Variants in TMEM164 observed in about 807,000 individuals in gnomAD.
TMEM164 encodes transmembrane protein 164, also known as RP13-360B22.2.
Under a neutral mutation model 18.8 loss-of-function variants are expected in TMEM164, and 4 were observed. That is an observed-to-expected ratio of 0.21 (90% CI 0.10 to 0.49). The LOEUF (loss-of-function observed/expected upper bound fraction) is 0.49. TMEM164 is among the 20% of genes least tolerant of loss of function. The pLI is 0.98. For missense variants in TMEM164, 108 were observed against 239.9 expected, an observed-to-expected ratio of 0.45 and a Z score of 3.63; for synonymous variants, 86 against 101.7, an observed-to-expected ratio of 0.85 and a Z score of 0.93.
At chrX:110,020,968 TAAA>T (rs147367236) in intron 2 of TMEM164, among the ~76,000 whole-genome samples, 17,761 of 42,879 alleles carry the variant, frequency 0.41, 2,737 homozygotes, top group East Asian at 0.61. Context: ...CCCCTTTTTC[TAAA>T]AAAAAAAAAA....
intron 4 of TMEM164, among the ~76,000 whole-genome samples, chrX:110,142,993 T>G (rs943635066): frequency 8.9e-6 from 1 of 112,443 alleles, no homozygotes; most frequent in Non-Finnish European, 1.9e-5. Flanking sequence ...CTGGGACTAG[T>G]GGCTGCATGC....
intron 4 of TMEM164, among the ~76,000 whole-genome samples, chrX:110,131,777 A>G (rs2066615129): frequency 8.9e-6 from 1 of 112,293 alleles, no homozygotes; most frequent in Non-Finnish European, 1.9e-5. Context: ...AAAAAGTCAA[A>G]TAATGTGTTC....
At chrX:110,059,187 T>C (rs1935998865) in intron 2 of TMEM164, among the ~76,000 whole-genome samples, 2 of 111,375 alleles carry the variant, frequency 1.8e-5, no homozygotes, top group Non-Finnish European at 3.8e-5. Context: ...TCCAACTTAA[T>C]TCTTTTGCCT....
chrX:110,155,581 T>C (rs1334667117), intron 5 of TMEM164, among the ~76,000 whole-genome samples: 1 of 110,831 alleles, frequency 9.0e-6, no homozygotes, highest in Non-Finnish European at 1.9e-5. Flanking sequence ...TGGCCCTTCC[T>C]CCTCATCCTC....
intron 2 of TMEM164, among the ~76,000 whole-genome samples, chrX:110,020,936 A>G (rs192554459): frequency 1.0e-5 from 1 of 99,835 alleles, no homozygotes; most frequent in East Asian, 3.4e-4. Flanking sequence ...AAAATGTTGC[A>G]GAACCATATG....
At chrX:110,105,488 C>T (rs1455084361) in intron 3 of TMEM164, among the ~76,000 whole-genome samples, 1 of 109,018 alleles carries the variant, frequency 9.2e-6, no homozygotes, top group Non-Finnish European at 1.9e-5. Context: ...ACAAAGGCCT[C>T]TGCTTCTGAG....
intron 4 of TMEM164, among the ~76,000 whole-genome samples, chrX:110,134,466 A>G (rs1025302450): frequency 1.9e-5 from 2 of 105,117 alleles, no homozygotes; most frequent in Non-Finnish European, 3.9e-5. Flanking sequence ...AGGCTGAGGC[A>G]GGAGAATCTC....
At chrX:110,145,296 G>C (rs764139811) in intron 5 of TMEM164, among the ~76,000 whole-genome samples, 1 of 111,666 alleles carries the variant, frequency 9.0e-6, no homozygotes, top group South Asian at 3.8e-4. Context: ...TAAGGGGCAA[G>C]AAGTCCGGGG....
intron 2 of TMEM164, among the ~76,000 whole-genome samples, chrX:110,036,843 G>A (rs751553271): frequency 9.0e-6 from 1 of 111,699 alleles, no homozygotes; most frequent in Non-Finnish European, 1.9e-5. Flanking sequence ...GGTAGTCAGT[G>A]GCCACATGTG....
Position 110,134,393 on chromosome X carries a change from T to TAC in TMEM164, c.508-10391_508-10390dup, listed in dbSNP as rs760240920. ...GGCAAAACTCTGTATCTACTAAAAA[T>TAC]ACACACACACACACAAAATAGCCAA... On this transcript the variant is annotated intron_variant, in intron 4 of 6. Transcript: ENST00000372068. Among the ~76,000 whole-genome samples, 30 of 108,645 alleles carry TAC rather than the reference T, an allele frequency of 2.8e-4. 1 individual carries two copies. Among genetic ancestry groups the TAC allele is most frequent in the South Asian group, 4.0e-4 (1 of 2,470 alleles). 94.3% of individuals were successfully genotyped at this position (108,645 alleles called of 115,157 possible).
At chrX:110,082,497 C>T (rs1400886342) in intron 3 of TMEM164, among the ~76,000 whole-genome samples, 1 of 111,802 alleles carries the variant, frequency 8.9e-6, no homozygotes, top group Non-Finnish European at 1.9e-5. Context: ...TTCCTCACTT[C>T]GGTTTGAATA....
intron 3 of TMEM164, among the ~76,000 whole-genome samples, chrX:110,070,741 A>C (rs1481048372): frequency 4.0e-4 from 44 of 110,911 alleles, no homozygotes; most frequent in Non-Finnish European, 9.4e-5. Context: ...AAAAAAAAGA[A>C]TTATAAAAAG....
chrX:110,032,846 A>C (rs1171403640), intron 2 of TMEM164, among the ~76,000 whole-genome samples: 1 of 112,121 alleles, frequency 8.9e-6, no homozygotes, highest in Non-Finnish European at 1.9e-5. Flanking sequence ...ATGACTGTAA[A>C]AGCCAGGCAG....
At chrX:110,150,326 G>A (rs113110956) in intron 5 of TMEM164, among the ~76,000 whole-genome samples, 5,631 of 111,573 alleles carry the variant, frequency 0.05, 366 homozygotes, top group African/African-American at 0.17. Context: ...AAGGGGAGTG[G>A]ATGACACTGG....
chrX:110,129,263 C>G (rs1038985058), intron 4 of TMEM164, among the ~76,000 whole-genome samples: 1 of 112,717 alleles, frequency 8.9e-6, no homozygotes, highest in African/African-American at 3.2e-5. Context: ...GTAGATTTTC[C>G]TTATCGTCCT....
At chrX:110,116,983 C>A (rs1054400483) in intron 4 of TMEM164, among the ~76,000 whole-genome samples, 18 of 109,955 alleles carry the variant, frequency 1.6e-4, no homozygotes, top group African/African-American at 5.6e-4. Context: ...GACCTCAGTT[C>A]TCTCATCTAT....
intron 2 of TMEM164, among the ~76,000 whole-genome samples, chrX:110,023,228 A>T (rs1934002643): frequency 8.9e-6 from 1 of 111,787 alleles, no homozygotes; most frequent in Non-Finnish European, 1.9e-5. Flanking sequence ...TTACTGAGAC[A>T]ACCACTGATT....
intron 2 of TMEM164, among the ~76,000 whole-genome samples, chrX:110,022,367 G>C (rs2147724414): frequency 9.0e-6 from 1 of 111,412 alleles, no homozygotes; most frequent in Non-Finnish European, 1.9e-5. Flanking sequence ...CTCAATAATA[G>C]TAACTACCTT....
At chrX:110,012,760 C>T (rs1360238753) in intron 2 of TMEM164, among the ~76,000 whole-genome samples, 2 of 112,391 alleles carry the variant, frequency 1.8e-5, no homozygotes, top group South Asian at 7.3e-4. Flanking sequence ...CCTGGCTACA[C>T]AGGGCAGCGC....
Sources: gnomAD v4.1 joint callset for allele counts (sites outside exome capture counted in the v4.1 genomes callset) on GRCh38, gnomAD v4.1.1 for gene constraint, MANE v1.5 for transcripts, NCBI Gene and HGNC (gene_info 2026-07-23, HGNC 2026-07-21) for gene names.